The following ALDH7A1 variants were observed in gnomAD, a reference collection of about 807,000 sequenced individuals.
The protein encoded by ALDH7A1 is aldehyde dehydrogenase 7 family member A1.
In ALDH7A1, 63 loss-of-function variants were observed where a neutral mutation model predicts 79.9. The ratio of observed to expected loss-of-function variants is 0.79; its 90% CI spans 0.64 to 0.97. The LOEUF is 0.97. Ranked by LOEUF, ALDH7A1 falls within the 50% of genes least tolerant of loss-of-function variation. The pLI is 0.00. For missense variants in ALDH7A1, 627 were observed against 665.2 expected (o/e 0.94, Z 0.63); for synonymous variants, 240 against 231.2 (o/e 1.04, Z -0.34).
At chr5:126,574,698 AAAT>A (rs10676689) in intron 7 of ALDH7A1, among the ~76,000 whole-genome samples, 142 of 149,962 alleles carry the variant, frequency 9.5e-4, no homozygotes, top group Middle Eastern at 3.5e-3. Flanking sequence ...CCATCTCAAA[AAAT>A]AATAATAATA....
At chr5:126,588,802 G>C (rs930356646) in intron 3 of ALDH7A1, 6 of 152,130 alleles carry the variant, frequency 3.9e-5, no homozygotes, top group African/African-American at 1.4e-4. Flanking sequence ...CAGCACTTTG[G>C]GAGGTTGAGG....
chr5:126,573,696 CAAAAAAAAA>C (rs1313411292), intron 7 of ALDH7A1, among the ~76,000 whole-genome samples: 3 of 105,904 alleles, frequency 2.8e-5, no homozygotes. Context: ...GACTCAGTCT[CAAAAAAAAA>C]AAAAAGAAAA....
rs778003597 is a variant in ALDH7A1 at position 126,559,300 on chromosome 5, T to TG, written c.947dup (p.Ser317IlefsTer24). The TG allele has an allele frequency of 2.5e-6, 4 of 1,613,908 alleles. No individual in the cohort carries two copies. The South Asian group carries it at 4.4e-5, about 18-fold the overall frequency. On this transcript the variant is annotated frameshift_variant, in exon 11 of 18. Coordinates refer to ENST00000409134, the MANE Select transcript of ALDH7A1 (RefSeq NM_001182.5). LOFTEE classifies it high-confidence loss of function. ...TTCCCACAGCAGCGAAGAGAGCTGA[T>TG]GGAACAACTAAGCTGAGGTCTGCAT...
In ALDH7A1 at chr5:126,544,974, C is replaced by T; in HGVS notation, c.1611G>A (p.Lys537=). ...SKDLPLAQGI[K]FQ The stretch of plus-strand genomic sequence containing the variant: ...TTCATCTAAAACACCTTTACTGAAA[C>T]TTGATTCCTTGGGCCAGAGGAAGGT... The change falls in exon 18 of 18, where the codon AAG becomes AAA. Residue 537 remains lysine (K), a synonymous_variant. Coordinates refer to ENST00000409134, the MANE Select transcript of ALDH7A1 (RefSeq NM_001182.5). 6.2e-7 allele frequency: 1 copy of T among 1,610,152 alleles called. No individual in the cohort carries two copies. The highest frequency in any genetic ancestry group is 1.1e-5 in the South Asian group (1 of 90,992).
chr5:126,546,457 T>C, intron 16 of ALDH7A1, 58 bp from the exon 17 acceptor site: 1 of 1,510,150 alleles, frequency 6.6e-7, no homozygotes, highest in Non-Finnish European at 9.2e-7. Flanking sequence ...GGGCTCATAG[T>C]TGGTATCAAT....
intron 13 of ALDH7A1, among the ~76,000 whole-genome samples, chr5:126,553,969 G>A (rs1341674006): frequency 1.3e-5 from 2 of 150,546 alleles, no homozygotes; most frequent in South Asian, 2.1e-4. Context: ...TTAGCTGGGT[G>A]TGGTGACATG....
intron 17 of ALDH7A1, among the ~76,000 whole-genome samples, chr5:126,545,360 C>T (rs571569914): frequency 5.9e-5 from 9 of 151,946 alleles, no homozygotes; most frequent in East Asian, 2.0e-4. Flanking sequence ...CTGCAACCTC[C>T]GCCTCCCAGG....
At chr5:126,588,594 A>C (rs1242761069) in intron 3 of ALDH7A1, 1 of 152,218 alleles carries the variant, frequency 6.6e-6, no homozygotes. Flanking sequence ...TTCTAGTCAA[A>C]AGACAACATG....
At chr5:126,590,058 A>G (rs1352542878) in intron 3 of ALDH7A1, among the ~76,000 whole-genome samples, 25 of 133,348 alleles carry the variant, frequency 1.9e-4, no homozygotes, top group African/African-American at 6.1e-4. Flanking sequence ...TGGAAAGTGA[A>G]GAGCGCCTCT....
At position 126,544,952 on chromosome 5, in the gene ALDH7A1, A is replaced by T; in HGVS notation, c.*13T>A. 1 of 1,600,880 alleles carries T rather than the reference A, an allele frequency of 6.2e-7. No homozygotes were observed. Among genetic ancestry groups the T allele is most frequent in the Non-Finnish European group, 8.6e-7 (1 of 1,168,210 alleles). ...GAACACCTCAAATTAAGGGATGTTCATCTAAAACACCTTTACTGAAACTTG... is the reference window on the plus strand; with the variant it reads ...GAACACCTCAAATTAAGGGATGTTCTTCTAAAACACCTTTACTGAAACTTG... On this transcript the variant is annotated 3_prime_UTR_variant, in exon 18 of 18. Transcript: ENST00000409134.
chr5:126,551,877 T>C (rs1388600395), intron 14 of ALDH7A1, 144 bp downstream of exon 14: 4 of 743,378 alleles, frequency 5.4e-6, no homozygotes, highest in African/African-American at 3.5e-5. Flanking sequence ...TTATCTCATA[T>C]TTTATCCTGA....
At chr5:126,591,193 A>G (rs1426134452) in intron 3 of ALDH7A1, among the ~76,000 whole-genome samples, 1 of 152,160 alleles carries the variant, frequency 6.6e-6, no homozygotes, top group Non-Finnish European at 1.5e-5. Flanking sequence ...AATGAAGGAC[A>G]CTGTTTTGGA....
chr5:126,554,531 C>T (rs1332419733), intron 12 of ALDH7A1, 138 bp from the exon 13 acceptor site: 1 of 725,620 alleles, frequency 1.4e-6, no homozygotes. Context: ...CATCCTTTTT[C>T]CATAAAGAAC....
chr5:126,546,493 A>G lies in ALDH7A1; in HGVS notation c.1490-94T>C. 3 of 1,084,544 alleles carry G rather than the reference A, an allele frequency of 2.8e-6. No individual in the cohort carries two copies. In the South Asian group the frequency reaches 3.9e-5, roughly 14 times the overall value. 67.2% of individuals were successfully genotyped at this position (1,084,544 alleles called of 1,614,324 possible). ...GAAAAGAAGATACCAAAAGGACACC[A>G]GAACAACCTGATTATTTACTTTACA... On this transcript the variant is annotated intron_variant, in intron 16 of 17. Coordinates refer to ENST00000409134, the MANE Select transcript of ALDH7A1 (RefSeq NM_001182.5).
chr5:126,559,637 T>G (rs1160403172), intron 10 of ALDH7A1, among the ~76,000 whole-genome samples: 1 of 152,110 alleles, frequency 6.6e-6, no homozygotes, highest in African/African-American at 2.4e-5. Flanking sequence ...GTCACCATGT[T>G]GGTCAGGCCA....
chr5:126,557,230 G>A (rs1750225458), intron 11 of ALDH7A1, among the ~76,000 whole-genome samples: 1 of 152,144 alleles, frequency 6.6e-6, no homozygotes, highest in Non-Finnish European at 1.5e-5. Context: ...ATTTGAGAAT[G>A]TCAGCTGTGT....
At chr5:126,556,667 T>C (rs548006320) in intron 11 of ALDH7A1, among the ~76,000 whole-genome samples, 17 of 152,312 alleles carry the variant, frequency 1.1e-4, no homozygotes, top group African/African-American at 3.6e-4. Context: ...ACACAGAGCA[T>C]AGTCATAACT....
intron 7 of ALDH7A1, among the ~76,000 whole-genome samples, chr5:126,573,426 A>G (rs1057179846): frequency 3.9e-5 from 6 of 152,136 alleles, no homozygotes; most frequent in South Asian, 2.1e-4. Flanking sequence ...CTAGCTGGGC[A>G]CGGTGGCTCA....
chr5:126,567,750 G>A (rs1188337905), intron 9 of ALDH7A1: 1 of 161,686 alleles, frequency 6.2e-6, no homozygotes, highest in African/African-American at 2.6e-5. Context: ...GGGATTACAG[G>A]CGTAAGCCAC....
Sources: gnomAD v4.1 joint callset for allele counts (sites outside exome capture counted in the v4.1 genomes callset) on GRCh38, gnomAD v4.1.1 for gene constraint, MANE v1.5 for transcripts, NCBI Gene and HGNC (gene_info 2026-07-23, HGNC 2026-07-21) for gene names.